BIRC5: variants seen among roughly 807,000 people sequenced by gnomAD.
The protein encoded by BIRC5 is baculoviral IAP repeat-containing protein 5.
In BIRC5, 8 loss-of-function variants were observed where a neutral mutation model predicts 15.8. The observed-to-expected ratio is 0.51, with a 90% CI of 0.30 to 0.91. The LOEUF (loss-of-function observed/expected upper bound fraction) is 0.91, where lower values mean the gene tolerates loss of function less well. Among genes scored for constraint, BIRC5 ranks in the 40% least tolerant of loss-of-function variants. The pLI is 0.07. For missense variants in BIRC5, 163 were observed against 178.6 expected (o/e 0.91, Z 0.50); for synonymous variants, 56 against 64.5 (o/e 0.87, Z 0.63).
chr17:78,217,711 AG>A, intron 3 of BIRC5, among the ~76,000 whole-genome samples: 1 of 149,800 alleles, frequency 6.7e-6, no homozygotes, highest in African/African-American at 2.5e-5. Flanking sequence ...GTTAGCCAGG[AG>A]GGTCTCGATC....
At chr17:78,216,846 C>T in intron 3 of BIRC5, 65 bp downstream of exon 3, 4 of 1,248,426 alleles carry the variant, frequency 3.2e-6, no homozygotes, top group Admixed American at 1.9e-5. Flanking sequence ...ACTACCTAGT[C>T]CCTCAAAGGG....
At position 78,221,307 on chromosome 17, in the gene BIRC5, A is replaced by G. The variant is rs908793153; in HGVS notation, c.340-2158A>G. On this transcript the variant is annotated intron_variant, in intron 3 of 3. Transcript: ENST00000350051. ...TGCTCTGTTGCTCAGGCTGGAGTACAGTGGCGCAATCACAGCTCACTATAG... is the reference window on the plus strand; with the variant it reads ...TGCTCTGTTGCTCAGGCTGGAGTACGGTGGCGCAATCACAGCTCACTATAG... Among the ~76,000 whole-genome samples, 8 of 152,200 alleles carry G rather than the reference A, an allele frequency of 5.3e-5. 1 individual carries two copies. Among genetic ancestry groups the G allele is most frequent in the Non-Finnish European group, 4.4e-5 (3 of 68,032 alleles).
chr17:78,216,811 C>A (rs373810661), intron 3 of BIRC5, 30 bp downstream of exon 3: 3 of 1,547,058 alleles, frequency 1.9e-6, no homozygotes, highest in Non-Finnish European at 2.7e-6. Context: ...ACTGCTCAAA[C>A]CCTGTTCAAT....
chr17:78,216,823 T>C, intron 3 of BIRC5, 42 bp downstream of exon 3: 1 of 1,474,734 alleles, frequency 6.8e-7, no homozygotes, highest in Non-Finnish European at 9.4e-7. Context: ...CTGTTCAATG[T>C]CTTTAGCACT....
chr17:78,218,707 A>C (rs1260754913), intron 3 of BIRC5, among the ~76,000 whole-genome samples: 1 of 149,986 alleles, frequency 6.7e-6, no homozygotes, highest in Non-Finnish European at 1.5e-5. Flanking sequence ...GGTTCACGCC[A>C]TTCTTCTGCC....
intron 3 of BIRC5, among the ~76,000 whole-genome samples, chr17:78,220,631 T>G (rs2076508872): frequency 6.6e-6 from 1 of 151,922 alleles, no homozygotes; most frequent in African/African-American, 2.4e-5. Context: ...TTTTGAACTG[T>G]TTTTTTTGTT....
chr17:78,218,235 G>T (rs17879295), intron 3 of BIRC5, among the ~76,000 whole-genome samples: 3,719 of 151,714 alleles, frequency 0.025, 167 homozygotes, highest in African/African-American at 0.084. Flanking sequence ...TAGAAACTTA[G>T]TCATTTATCT....
At chr17:78,217,114 G>A (rs542533148) in intron 3 of BIRC5, among the ~76,000 whole-genome samples, 114 of 148,976 alleles carry the variant, frequency 7.7e-4, no homozygotes, top group African/African-American at 2.5e-3. Flanking sequence ...TCCTGACCTC[G>A]TGATTCGCCC....
intron 1 of BIRC5, 39 bp from the exon 2 acceptor site, chr17:78,214,641 G>A (rs753296580): frequency 3.4e-5 from 52 of 1,536,210 alleles, no homozygotes; most frequent in Middle Eastern, 2.3e-4. Flanking sequence ...GGGGTTCCGG[G>A]CTGCCACGTC....
At chr17:78,222,410 T>C (rs1567866338) in intron 3 of BIRC5, among the ~76,000 whole-genome samples, 1 of 151,526 alleles carries the variant, frequency 6.6e-6, no homozygotes, top group Non-Finnish European at 1.5e-5. Context: ...CTCACACCTG[T>C]AATCCCAGCA....
intron 2 of BIRC5, chr17:78,215,076 TCCAAGTG>T (rs968868911): frequency 3.2e-6 from 1 of 314,466 alleles, no homozygotes; most frequent in Non-Finnish European, 6.1e-6. Flanking sequence ...CCCAGGAACG[TCCAAGTG>T]CTTTTTTTGA....
chr17:78,222,022 A>G (rs2076518847), intron 3 of BIRC5, among the ~76,000 whole-genome samples: 1 of 151,724 alleles, frequency 6.6e-6, no homozygotes, highest in Non-Finnish European at 1.5e-5. Flanking sequence ...ATGTGGCCAG[A>G]CCTCATCTCT....
rs1470058345 is a variant in BIRC5 at position 78,225,380 on chromosome 17, C to G, written c.*1826C>G. Reference sequence around the variant, plus strand: ...CCTAGACTTTCTTTCAGATACATGTCCACATGTCCATTTTTCAGGTTCTCT... The same window carrying G: ...CCTAGACTTTCTTTCAGATACATGTGCACATGTCCATTTTTCAGGTTCTCT... On this transcript the variant is annotated 3_prime_UTR_variant, in exon 4 of 4. Coordinates refer to ENST00000350051, the MANE Select transcript of BIRC5 (RefSeq NM_001168.3). 1 of 152,292 alleles carries G rather than the reference C, an allele frequency of 6.6e-6. No individual in the cohort carries two copies. Among genetic ancestry groups the G allele is most frequent in the African/African-American group, 2.4e-5 (1 of 41,468 alleles). 9.4% of individuals were successfully genotyped at this position (152,292 alleles called of 1,614,324 possible).
At chr17:78,220,525 C>T (rs960932056) in intron 3 of BIRC5, among the ~76,000 whole-genome samples, 57 of 152,044 alleles carry the variant, frequency 3.7e-4, no homozygotes, top group African/African-American at 1.3e-3. Context: ...CTCTCGGTCT[C>T]TATCTCCTGA....
intron 3 of BIRC5, among the ~76,000 whole-genome samples, chr17:78,217,536 G>A (rs528295449): frequency 3.3e-5 from 5 of 151,202 alleles, no homozygotes; most frequent in South Asian, 2.1e-4. Flanking sequence ...TTGCTCTGTC[G>A]CCCAGGCTAG....
At chr17:78,220,108 A>G (rs1014232598) in intron 3 of BIRC5, among the ~76,000 whole-genome samples, 3 of 147,536 alleles carry the variant, frequency 2.0e-5, no homozygotes, top group African/African-American at 7.5e-5. Context: ...GAGTCCACTC[A>G]CCTGTTGGAA....
intron 3 of BIRC5, among the ~76,000 whole-genome samples, chr17:78,222,464 C>T (rs1048861671): frequency 6.6e-6 from 1 of 151,860 alleles, no homozygotes; most frequent in Non-Finnish European, 1.5e-5. Context: ...ATCATGAGTT[C>T]GAGACCAACC....
At chr17:78,215,440 A>G (rs543702267) in intron 2 of BIRC5, among the ~76,000 whole-genome samples, 1 of 152,308 alleles carries the variant, frequency 6.6e-6, no homozygotes, top group Admixed American at 6.5e-5. Flanking sequence ...TGAAAAAAAA[A>G]AAAGAAAGAA....
chr17:78,216,719 T>A lies in BIRC5; in HGVS notation c.277T>A (p.Phe93Ile). Residue 93 changes from phenylalanine to isoleucine, a missense_variant, in exon 3 of 4, where the codon TTT becomes ATT. Phe to Ile is a conservative substitution (Grantham distance 21). Coordinates refer to ENST00000350051, the MANE Select transcript of BIRC5 (RefSeq NM_001168.3). Reference protein sequence around the residue: ...GCAFLSVKKQFEELTLGEFLK... With the variant: ...GCAFLSVKKQIEELTLGEFLK... ...CGCTTTCCTTTCTGTCAAGAAGCAG[T>A]TTGAAGAATTAACCCTTGGTGAATT... is the stretch of plus-strand genomic sequence containing the variant. 1.2e-6 allele frequency: 2 copies of A among 1,613,990 alleles called. No individual in the cohort carries two copies. Among genetic ancestry groups the A allele is most frequent in the Non-Finnish European group, 1.7e-6 (2 of 1,179,930 alleles).
Sources: gnomAD v4.1 joint callset for allele counts (sites outside exome capture counted in the v4.1 genomes callset) on GRCh38, gnomAD v4.1.1 for gene constraint, MANE v1.5 for transcripts, NCBI Gene and HGNC (gene_info 2026-07-23, HGNC 2026-07-21) for gene names.